AP5S1: variants seen among roughly 807,000 people sequenced by gnomAD.
AP5S1 encodes AP-5 complex subunit sigma-1.
Under a neutral mutation model 13.9 loss-of-function variants are expected in AP5S1, and 13 were observed. The observed-to-expected ratio is 0.94, with a 90% CI of 0.61 to 1.49. AP5S1 has a LOEUF of 1.49. Ranked by LOEUF, AP5S1 falls within the 40% of genes most tolerant of loss-of-function variation. The probability of loss-of-function intolerance (pLI) is 0.00; values close to 1 mark genes in which losing one functional copy is unlikely to be tolerated. For synonymous variants in AP5S1, 132 were observed against 121.8 expected, an observed-to-expected ratio of 1.08 and a Z score of -0.55; for missense variants, 292 against 272.3, an observed-to-expected ratio of 1.07 and a Z score of -0.51.
chr20:3,828,627 G>A lies in AP5S1; in HGVS notation c.*4330G>A, dbSNP rs998188015. 5 of 152,174 alleles carry A rather than the reference G, an allele frequency of 3.3e-5. No individual in the cohort carries two copies. The highest frequency in any genetic ancestry group is 1.2e-4 in the African/African-American group (5 of 41,436). The allele number at this position is 152,174 out of a possible 1,614,324, so 9.4% of individuals were successfully genotyped here. A position where few individuals can be genotyped will look rare whatever the true frequency, so the allele number is the denominator to read the frequency against. On this transcript the variant is annotated 3_prime_UTR_variant, in exon 3 of 3. Coordinates refer to ENST00000615891, the MANE Select transcript of AP5S1 (RefSeq NM_018347.3). ...GTGTAGTTAGATTCATACTGTATAT[G>A]TAGCCTTTTCAGATTGACTTCCTTC...
rs2089617743 is a variant in AP5S1 at position 3,825,250 on chromosome 20, C to G, written c.*953C>G. The G allele has an allele frequency of 6.6e-6, 1 of 152,236 alleles. No individual in the cohort carries two copies. Among genetic ancestry groups the G allele is most frequent in the African/African-American group, 2.4e-5 (1 of 41,436 alleles). The allele number at this position is 152,236 out of a possible 1,614,324, so 9.4% of individuals were successfully genotyped here. On this transcript the variant is annotated 3_prime_UTR_variant, in exon 3 of 3. Transcript: ENST00000615891. ...TGTCAGATGAATGTGAGCAGTCTAG[C>G]CTGGATGACATATTTTTCGTTTTGA...
At chr20:3,822,081 A>G (rs745869964) in intron 1 of AP5S1, 21 bp from the exon 2 acceptor site, 1 of 1,604,048 alleles carries the variant, frequency 6.2e-7, no homozygotes, top group Non-Finnish European at 8.5e-7. Flanking sequence ...CACCTTACCA[A>G]TGTCTCTGGC....
chr20:3,823,208 T>C (rs910172188), intron 2 of AP5S1, among the ~76,000 whole-genome samples: 11 of 152,128 alleles, frequency 7.2e-5, no homozygotes, highest in Admixed American at 3.9e-4. Context: ...AGGGTGGAGA[T>C]TGGACTGCCC....
chr20:3,823,978 G>T lies in AP5S1; in HGVS notation c.284G>T (p.Arg95Leu), dbSNP rs764393681. Residue 95 changes from arginine to leucine, a missense_variant, in exon 3 of 3, where the codon CGT (arginine) becomes CTT (leucine). Arg to Leu is a moderately radical substitution (Grantham distance 102). Coordinates refer to ENST00000615891, the MANE Select transcript of AP5S1 (RefSeq NM_018347.3). Reference protein sequence around the residue: ...DEQVPLHEAPRGAFRLAAENP... With the variant: ...DEQVPLHEAPLGAFRLAAENP... The stretch of plus-strand genomic sequence containing the variant: ...CAAGTGCCGCTGCACGAGGCCCCAC[G>T]TGGGGCTTTCCGCCTGGCAGCAGAG... The T allele has an allele frequency of 3.1e-6, 5 of 1,611,842 alleles. No individual in the cohort carries two copies. Among genetic ancestry groups the T allele is most frequent in the Non-Finnish European group, 4.2e-6 (5 of 1,180,028 alleles).
Position 3,827,687 on chromosome 20 carries a change from G to A in AP5S1, c.*3390G>A, listed in dbSNP as rs2089632503. The A allele has an allele frequency of 6.6e-6, 1 of 152,202 alleles. No homozygotes were observed. Among genetic ancestry groups the A allele is most frequent in the Admixed American group, 6.6e-5 (1 of 15,266 alleles). The allele number at this position is 152,202 out of a possible 1,614,324, so 9.4% of individuals were successfully genotyped here. ...GGATCATCTTGTCTCCTTTAGGGCA[G>A]GGTGTTTTTTTCTAGCCCTGTGGTG... On this transcript the variant is annotated 3_prime_UTR_variant, in exon 3 of 3. Transcript: ENST00000615891.
intron 1 of AP5S1, among the ~76,000 whole-genome samples, chr20:3,821,390 G>C (rs2089579798): frequency 6.7e-6 from 1 of 148,618 alleles, no homozygotes; most frequent in Non-Finnish European, 1.5e-5. Flanking sequence ...CTTTTTTTTT[G>C]AGACAAGAGT....
At chr20:3,821,595 G>A (rs2089581863) in intron 1 of AP5S1, among the ~76,000 whole-genome samples, 1 of 152,060 alleles carries the variant, frequency 6.6e-6, no homozygotes, top group African/African-American at 2.4e-5. Context: ...TGGAACTCCT[G>A]ACCTCAAGTG....
intron 2 of AP5S1, among the ~76,000 whole-genome samples, chr20:3,822,568 C>A (rs2089592252): frequency 6.6e-6 from 1 of 152,138 alleles, no homozygotes; most frequent in Non-Finnish European, 1.5e-5. Flanking sequence ...TATATATTAA[C>A]TCATTTAATC....
At chr20:3,822,865 G>A (rs1374305072) in intron 2 of AP5S1, among the ~76,000 whole-genome samples, 2 of 152,162 alleles carry the variant, frequency 1.3e-5, no homozygotes, top group Non-Finnish European at 2.9e-5. Context: ...ATCACAGTTT[G>A]GAATATACTG....
At chr20:3,821,372 TTTTC>T (rs2089579415) in intron 1 of AP5S1, among the ~76,000 whole-genome samples, 1 of 152,082 alleles carries the variant, frequency 6.6e-6, no homozygotes, top group Non-Finnish European at 1.5e-5. Flanking sequence ...ATCCTTTTGT[TTTTC>T]TTTCTTTTTT....
Position 3,823,728 on chromosome 20 carries a change from T to C in AP5S1, c.177-143T>C. The C allele has an allele frequency of 3.4e-6, 5 of 1,475,958 alleles. No individual in the cohort carries two copies. The South Asian group carries it at 7.0e-5, about 21-fold the overall frequency. The allele number at this position is 1,475,958 out of a possible 1,614,324, so 91.4% of individuals were successfully genotyped here. A position where few individuals can be genotyped will look rare whatever the true frequency, so the allele number is the denominator to read the frequency against. ...CTCACACTTCCTGATTCTGTGGCCC[T>C]GGGCAGATCACTTAGTCTCTCTAGG... On this transcript the variant is annotated intron_variant, in intron 2 of 2. Coordinates refer to ENST00000615891, the MANE Select transcript of AP5S1 (RefSeq NM_018347.3).
intron 2 of AP5S1, 42 bp downstream of exon 2, chr20:3,822,335 C>T (rs1342631078): frequency 1.3e-6 from 2 of 1,586,700 alleles, no homozygotes; most frequent in Non-Finnish European, 1.7e-6. Context: ...TGAACACGTA[C>T]CTGATTGTAA....
rs2089587570 is a variant in AP5S1 at position 3,822,144 on chromosome 20, C to T, written c.27C>T (p.Thr9=). 1 of 1,613,958 alleles carries T rather than the reference C, an allele frequency of 6.2e-7. No individual in the cohort carries two copies. The highest frequency in any genetic ancestry group is 1.3e-5 in the African/African-American group (1 of 74,900). MVHAFLIH[T]LRAPNTEDTG... The stretch of plus-strand genomic sequence containing the variant: ...TGGTCCACGCCTTCCTCATTCACAC[C>T]TTGAGGGCCCCGAATACTGAGGACA... The change falls in exon 2 of 3, where the codon ACC becomes ACT. Residue 9 remains threonine (T), a synonymous_variant. Coordinates refer to ENST00000615891, the MANE Select transcript of AP5S1 (RefSeq NM_018347.3).
chr20:3,821,380 C>CT (rs1013412469), intron 1 of AP5S1, among the ~76,000 whole-genome samples: 22 of 151,302 alleles, frequency 1.5e-4, no homozygotes, highest in South Asian at 8.4e-4. Context: ...GTTTTTCTTT[C>CT]TTTTTTTTTG....
chr20:3,821,895 G>A, intron 1 of AP5S1: 1 of 701,982 alleles, frequency 1.4e-6, no homozygotes, highest in Non-Finnish European at 1.7e-6. Flanking sequence ...TTTTTTTTTA[G>A]TTTATGCCTA....
rs1425494793 is a variant in AP5S1, at chr20:3,827,651, G to A, written c.*3354G>A. ...CATACACTGCATGTATGTGAGCCCT[G>A]GGATGGGATTGGATCATCTTGTCTC... On this transcript the variant is annotated 3_prime_UTR_variant, in exon 3 of 3. Transcript: ENST00000615891. 5 of 152,270 alleles carry A rather than the reference G, an allele frequency of 3.3e-5. No individual in the cohort carries two copies. Among genetic ancestry groups the A allele is most frequent in the Non-Finnish European group, 5.9e-5 (4 of 68,126 alleles). The allele number at this position is 152,270 out of a possible 1,614,324, so 9.4% of individuals were successfully genotyped here. A position where few individuals can be genotyped will look rare whatever the true frequency, so the allele number is the denominator to read the frequency against.
chr20:3,822,462 A>G (rs1182390186), intron 2 of AP5S1, among the ~76,000 whole-genome samples, 169 bp downstream of exon 2: 1 of 152,216 alleles, frequency 6.6e-6, no homozygotes, highest in African/African-American at 2.4e-5. Context: ...TGTTACGTGA[A>G]AAGGGTTAAA....
At position 3,824,852 on chromosome 20, in the gene AP5S1, A is replaced by C. The variant is rs2089613785; in HGVS notation, c.*555A>C. On this transcript the variant is annotated 3_prime_UTR_variant, in exon 3 of 3. Transcript: ENST00000615891. Reference sequence around the variant, plus strand: ...GGGGCTGAGTCATGGGAATCACTTGAACCTGGGAGGCAGAGTTTGCAGTGA... The same window carrying C: ...GGGGCTGAGTCATGGGAATCACTTGCACCTGGGAGGCAGAGTTTGCAGTGA... The C allele has an allele frequency of 6.6e-6, 1 of 150,604 alleles. No individual in the cohort carries two copies. The highest frequency in any genetic ancestry group is 1.5e-5 in the Non-Finnish European group (1 of 68,164). The allele number at this position is 150,604 out of a possible 1,614,324, so 9.3% of individuals were successfully genotyped here.
rs773354528 is a variant in AP5S1 at position 3,824,097 on chromosome 20, G to T, written c.403G>T (p.Ala135Ser). The T allele has an allele frequency of 7.4e-6, 12 of 1,613,862 alleles. No homozygotes were observed. The highest frequency in any genetic ancestry group is 1.0e-5 in the Non-Finnish European group (12 of 1,180,048). The stretch of plus-strand genomic sequence containing the variant: ...GGATGCCCATGAGAACCTGCTACTG[G>T]CTGAGGGCACGCTCCGGCTGCTGAC... The part of the protein sequence containing the change: ...VLDAHENLLL[A>S]EGTLRLLTRL... Residue 135 changes from alanine (A) to serine (S), a missense_variant, in exon 3 of 3, where the codon GCT becomes TCT. Coordinates refer to ENST00000615891, the MANE Select transcript of AP5S1 (RefSeq NM_018347.3).
Sources: allele counts gnomAD v4.1 joint callset (sites outside exome capture counted in the v4.1 genomes callset), GRCh38; gene constraint gnomAD v4.1.1; transcripts MANE v1.5; gene names NCBI Gene and HGNC (gene_info 2026-07-23, HGNC 2026-07-21).